Variants in TJP1 observed in about 807,000 individuals in gnomAD.
The protein encoded by TJP1 is tight junction protein 1.
In TJP1, 43 loss-of-function variants were observed where a neutral mutation model predicts 194.2. The observed-to-expected ratio is 0.22, with a 90% confidence interval of 0.17 to 0.29. The LOEUF (loss-of-function observed/expected upper bound fraction) is 0.29. Ranked by LOEUF, TJP1 falls within the 10% of genes least tolerant of loss-of-function variation. TJP1 has a pLI of 1.00. For missense variants in TJP1, 1,971 were observed against 2,185.7 expected, an observed-to-expected ratio of 0.90 and a Z score of 1.96; for synonymous variants, 801 against 779.0, an observed-to-expected ratio of 1.03 and a Z score of -0.47.
chr15:29,744,898 A>G lies in TJP1; in HGVS notation c.1011-2117T>C, dbSNP rs143490070. On this transcript the variant is annotated intron_variant, in intron 8 of 27. Coordinates refer to ENST00000614355, the MANE Select transcript of TJP1 (RefSeq NM_001330239.4). ...ATTTTTCATTATGAATGGAGGAAAA[A>G]ATTCTAAATAAATAAAATACTAGCT... Among the ~76,000 whole-genome samples the G allele has an allele frequency of 7.9e-4, 121 of 152,280 alleles. 1 individual carries two copies. In the East Asian group the frequency reaches 0.021, roughly 26 times the overall value.
intron 2 of TJP1, among the ~76,000 whole-genome samples, chr15:29,876,778 C>T (rs7178240): frequency 0.14 from 21,414 of 152,126 alleles, 1,814 homozygotes; most frequent in South Asian, 0.29. Context: ...TGCAGCCCTC[C>T]ATTCCTCTGC....
intron 10 of TJP1, among the ~76,000 whole-genome samples, chr15:29,738,505 C>CATGTT (rs1473656543): frequency 1.3e-5 from 2 of 152,098 alleles, no homozygotes; most frequent in Non-Finnish European, 2.9e-5. Flanking sequence ...TGACCTGGAA[C>CATGTT]TAACATCAGC....
intron 2 of TJP1, among the ~76,000 whole-genome samples, chr15:29,901,650 C>T (rs972687804): frequency 7.9e-5 from 12 of 152,104 alleles, no homozygotes; most frequent in Admixed American, 2.6e-4. Context: ...GGTGAAACCC[C>T]ATCTCTACTA....
intron 1 of TJP1, among the ~76,000 whole-genome samples, chr15:29,805,616 G>A (rs2049060414): frequency 6.6e-6 from 1 of 152,144 alleles, no homozygotes; most frequent in South Asian, 2.1e-4. Flanking sequence ...TCCCTCCCTA[G>A]GGGCTCAAAG....
chr15:29,883,155 G>A (rs963086222), intron 2 of TJP1, among the ~76,000 whole-genome samples: 3 of 152,180 alleles, frequency 2.0e-5, no homozygotes, highest in Non-Finnish European at 2.9e-5. Flanking sequence ...AAAGCCCACT[G>A]GAAATCTGTC....
chr15:29,795,387 A>G (rs1220569244), intron 2 of TJP1, among the ~76,000 whole-genome samples: 1 of 151,202 alleles, frequency 6.6e-6, no homozygotes, highest in Non-Finnish European at 1.5e-5. Flanking sequence ...ACTGCACTCC[A>G]GCTTGGGTGA....
chr15:29,853,695 T>C (rs1273524565), intron 2 of TJP1, among the ~76,000 whole-genome samples: 2 of 152,188 alleles, frequency 1.3e-5, no homozygotes, highest in African/African-American at 4.8e-5. Flanking sequence ...GGGTTACTTA[T>C]CAACATATCT....
At chr15:29,813,029 AG>A (rs1385435864) in intron 1 of TJP1, among the ~76,000 whole-genome samples, 1 of 152,122 alleles carries the variant, frequency 6.6e-6, no homozygotes, top group Non-Finnish European at 1.5e-5. Flanking sequence ...AACCTTCCTT[AG>A]TACCTTTATA....
At chr15:29,951,686 C>G (rs1017784725) in intron 2 of TJP1, among the ~76,000 whole-genome samples, 1 of 152,120 alleles carries the variant, frequency 6.6e-6, no homozygotes, top group Non-Finnish European at 1.5e-5. Flanking sequence ...TCCCTTTTGC[C>G]TAATGATTAT....
intron 2 of TJP1, among the ~76,000 whole-genome samples, chr15:29,778,586 C>T (rs1319664672): frequency 6.6e-6 from 1 of 152,114 alleles, no homozygotes; most frequent in African/African-American, 2.4e-5. Flanking sequence ...AGATCCTTGC[C>T]CCAAGTCCAA....
At chr15:29,884,009 G>T (rs910523936) in intron 2 of TJP1, among the ~76,000 whole-genome samples, 2 of 152,096 alleles carry the variant, frequency 1.3e-5, no homozygotes, top group African/African-American at 2.4e-5. Context: ...CCAGGAAAAC[G>T]ATTTTAGGCT....
upstream of TJP1, among the ~76,000 whole-genome samples, chr15:29,824,315 C>T (rs912530913): frequency 1.3e-5 from 2 of 150,798 alleles, no homozygotes; most frequent in East Asian, 2.0e-4. Context: ...TGGTGACAGA[C>T]GCCAGTAATG....
chr15:29,922,096 C>T (rs2054383596), intron 2 of TJP1, among the ~76,000 whole-genome samples: 1 of 152,096 alleles, frequency 6.6e-6, no homozygotes, highest in African/African-American at 2.4e-5. Flanking sequence ...ATCCATCCGC[C>T]CTAGGCTCCC....
Position 29,943,180 on chromosome 15 carries a change from T to C in TJP1, c.306+13052A>G, listed in dbSNP as rs543642142. On this transcript the variant is annotated intron_variant, in intron 2 of 28. Coordinates refer to the TJP1 transcript ENST00000356107. Reference sequence around the variant, plus strand: ...GTGTAAGAGAGAGAGCGGGTGGGCATCCTCTTTTGACATAAAAGATGATGG... The same window carrying C: ...GTGTAAGAGAGAGAGCGGGTGGGCACCCTCTTTTGACATAAAAGATGATGG... Among the ~76,000 whole-genome samples the C allele has an allele frequency of 2.0e-5, 3 of 152,296 alleles. No individual in the cohort carries two copies. The South Asian group carries it at 6.2e-4, about 32-fold the overall frequency.
intron 2 of TJP1, among the ~76,000 whole-genome samples, chr15:29,832,831 A>G (rs1295972551): frequency 6.6e-6 from 1 of 152,208 alleles, no homozygotes; most frequent in African/African-American, 2.4e-5. Context: ...CACTACGGAA[A>G]CAGTCATTGA....
chr15:29,733,377 C>T, intron 12 of TJP1, 64 bp from the exon 13 acceptor site: 1 of 1,124,880 alleles, frequency 8.9e-7, no homozygotes, highest in South Asian at 1.4e-5. Context: ...AAAGACAGTA[C>T]ATTATGTAAA....
chr15:29,733,298 A>G lies in TJP1; in HGVS notation c.1532T>C (p.Val511Ala). 1 of 1,610,536 alleles carries G rather than the reference A, an allele frequency of 6.2e-7. No individual in the cohort carries two copies. ...GAAAGAATCTCCTACATCTGATTCT[A>G]CAATGCGACGATAAACTAAAAGGAA... is the stretch of plus-strand genomic sequence containing the variant. ...QKKKDVYRRIVESDVGDSFYI... is the reference protein window; with the variant it reads ...QKKKDVYRRIAESDVGDSFYI... The change falls in exon 13 of 28, where the codon GTA becomes GCA. Residue 511 changes from valine to alanine, a missense_variant. By Grantham distance (64) the Val-to-Ala change is moderately conservative. Coordinates refer to ENST00000614355, the MANE Select transcript of TJP1 (RefSeq NM_001330239.4).
At chr15:29,844,058 G>C (rs1404306748) in intron 2 of TJP1, among the ~76,000 whole-genome samples, 3 of 152,150 alleles carry the variant, frequency 2.0e-5, no homozygotes, top group African/African-American at 7.2e-5. Context: ...TTTGTGTGTT[G>C]TTTTGAAACA....
rs775050903 is a variant in TJP1 at position 29,801,179 on chromosome 15, C to T, written c.28-477G>A. On this transcript the variant is annotated intron_variant, in intron 1 of 27. Transcript: ENST00000614355. ...TAGGTTTGGCAAATGGCTGCTTTAA[C>T]GTCACAAACATGACTACTCTACCTA... Among the ~76,000 whole-genome samples, 34 of 152,260 alleles carry T rather than the reference C, an allele frequency of 2.2e-4. 1 individual carries two copies. In the South Asian group the frequency reaches 3.9e-3, roughly 18 times the overall value.
Sources: gnomAD v4.1 joint callset for allele counts (sites outside exome capture counted in the v4.1 genomes callset) on GRCh38, gnomAD v4.1.1 for gene constraint, MANE v1.5 for transcripts, NCBI Gene and HGNC (gene_info 2026-07-23, HGNC 2026-07-21) for gene names.